Variants in RPS6KC1 observed in about 807,000 individuals in gnomAD.
The protein encoded by RPS6KC1 is inactive ribosomal protein S6 kinase delta-1.
Under a neutral mutation model 103.8 loss-of-function variants are expected in RPS6KC1, and 54 were observed. The observed-to-expected ratio is 0.52, with a 90% CI of 0.42 to 0.65. The LOEUF (loss-of-function observed/expected upper bound fraction) is 0.65, where lower values mean the gene tolerates loss of function less well. Ranked by LOEUF, RPS6KC1 falls within the 30% of genes least tolerant of loss-of-function variation. The pLI is 0.00. For missense variants in RPS6KC1, 1,151 were observed against 1,253.8 expected (o/e 0.92, Z 1.24); for synonymous variants, 439 against 438.7 (o/e 1.00, Z -0.01).
the RPS6KC1 span, among the ~76,000 whole-genome samples, chr1:213,792,739 T>A: frequency 1.3e-5 from 2 of 152,144 alleles, no homozygotes; most frequent in Non-Finnish European, 2.9e-5. Context: ...CTGTAAAGCA[T>A]TACTTTCAAC....
At chr1:213,832,094 A>C in the RPS6KC1 span, among the ~76,000 whole-genome samples, 2 of 152,220 alleles carry the variant, frequency 1.3e-5, no homozygotes, top group African/African-American at 4.8e-5. Flanking sequence ...GGTCTTCTTC[A>C]TAGTCAAAAA....
the RPS6KC1 span, among the ~76,000 whole-genome samples, chr1:213,521,927 T>C: frequency 1.1e-3 from 167 of 152,334 alleles, no homozygotes; most frequent in African/African-American, 3.9e-3. Context: ...ATCGACTTCT[T>C]CCAAACACTT....
At chr1:213,563,446 T>A in the RPS6KC1 span, among the ~76,000 whole-genome samples, 1 of 152,308 alleles carries the variant, frequency 6.6e-6, no homozygotes, top group Non-Finnish European at 1.5e-5. Context: ...TTTATATTTG[T>A]TACAATTACT....
the RPS6KC1 span, among the ~76,000 whole-genome samples, chr1:213,761,962 G>A: frequency 2.0e-5 from 3 of 152,052 alleles, no homozygotes; most frequent in East Asian, 3.9e-4. Flanking sequence ...AAAGTGAGAC[G>A]AAAATGATTG....
rs540371029 is a variant in RPS6KC1 at position 213,251,480 on chromosome 1, C to G, written c.2911+8822C>G. On this transcript the variant is annotated intron_variant, in intron 12 of 14. Transcript: ENST00000366960. ...GTACCTTCCAGAGGCAGTCATTGTG[C>G]TTTGCATGGGGAGCACTGGAAGGTG... 2.0e-5 allele frequency among the ~76,000 whole-genome samples: 3 copies of G among 152,290 alleles called. No homozygotes were observed. In the South Asian group the frequency reaches 6.2e-4, roughly 32 times the overall value.
At chr1:213,067,146 T>C (rs2078405106) in intron 1 of RPS6KC1, among the ~76,000 whole-genome samples, 1 of 152,358 alleles carries the variant, frequency 6.6e-6, no homozygotes, top group African/African-American at 2.4e-5. Flanking sequence ...TCATGTCTTA[T>C]GTCTCCCTAA....
the RPS6KC1 span, among the ~76,000 whole-genome samples, chr1:213,668,078 G>A: frequency 2.0e-5 from 3 of 152,176 alleles, no homozygotes; most frequent in Non-Finnish European, 4.4e-5. Flanking sequence ...CCAAACTCCT[G>A]TTGATATGGA....
the RPS6KC1 span, among the ~76,000 whole-genome samples, chr1:213,790,413 T>C: frequency 6.6e-6 from 1 of 152,096 alleles, no homozygotes; most frequent in African/African-American, 2.4e-5. Flanking sequence ...AGAGGCACAA[T>C]GGAGTACACA....
At chr1:213,754,750 T>C in the RPS6KC1 span, among the ~76,000 whole-genome samples, 1 of 152,296 alleles carries the variant, frequency 6.6e-6, no homozygotes, top group South Asian at 2.1e-4. Flanking sequence ...AGGTATTTCT[T>C]TACAGCAGTG....
chr1:213,565,996 G>T, the RPS6KC1 span, among the ~76,000 whole-genome samples: 1 of 150,740 alleles, frequency 6.6e-6, no homozygotes, highest in Non-Finnish European at 1.5e-5. Flanking sequence ...GTGTAGAAAT[G>T]TCTGTAATTT....
rs17020145 is a variant in RPS6KC1, at chr1:213,086,427, C to T, written c.262+8611C>T. On this transcript the variant is annotated intron_variant, in intron 3 of 14. Coordinates refer to ENST00000366960, the MANE Select transcript of RPS6KC1 (RefSeq NM_012424.6). Reference sequence around the variant, plus strand: ...TACTATCATATTAGAACAGCTATGTCAGGGACAACCAGTGGGTTACAGCCA... The same window carrying T: ...TACTATCATATTAGAACAGCTATGTTAGGGACAACCAGTGGGTTACAGCCA... Among the ~76,000 whole-genome samples, 481 of 152,334 alleles carry T rather than the reference C, an allele frequency of 3.2e-3. 4 individuals are homozygous for T. The highest frequency in any genetic ancestry group is 0.011 in the African/African-American group (458 of 41,590).
chr1:213,562,080 C>T, the RPS6KC1 span, among the ~76,000 whole-genome samples: 8 of 152,046 alleles, frequency 5.3e-5, no homozygotes, highest in Non-Finnish European at 1.0e-4. Context: ...CTGGGCTTGG[C>T]GATGTCAATT....
the RPS6KC1 span, among the ~76,000 whole-genome samples, chr1:213,739,261 TG>T: frequency 6.6e-5 from 10 of 152,342 alleles, no homozygotes; most frequent in African/African-American, 1.9e-4. Context: ...AATAACATTT[TG>T]TTTTCTCTAG....
At chr1:213,364,025 G>A in the RPS6KC1 span, among the ~76,000 whole-genome samples, 4 of 152,082 alleles carry the variant, frequency 2.6e-5, no homozygotes, top group East Asian at 7.7e-4. Context: ...ATTTAGTGCA[G>A]GGATTGGCAA....
At chr1:213,172,695 CTG>C (rs145062643) in intron 7 of RPS6KC1, among the ~76,000 whole-genome samples, 1,588 of 152,274 alleles carry the variant, frequency 0.01, 31 homozygotes, top group African/African-American at 0.036. Context: ...AGTTGTGAGA[CTG>C]TGGGATTAAC....
chr1:213,373,953 C>T, the RPS6KC1 span, among the ~76,000 whole-genome samples: 5 of 152,142 alleles, frequency 3.3e-5, no homozygotes, highest in South Asian at 6.2e-4. Flanking sequence ...TTTGAAGGCT[C>T]CTGCTTTTCT....
the RPS6KC1 span, among the ~76,000 whole-genome samples, chr1:213,469,603 C>T: frequency 2.0e-5 from 3 of 152,180 alleles, no homozygotes; most frequent in Non-Finnish European, 4.4e-5. Flanking sequence ...TGTCACACCC[C>T]AGGCTCCTCG....
intron 3 of RPS6KC1, among the ~76,000 whole-genome samples, chr1:213,082,843 T>TGAAG (rs1439466835): frequency 2.0e-5 from 3 of 152,168 alleles, no homozygotes; most frequent in African/African-American, 7.2e-5. Flanking sequence ...GGCCTAAAGA[T>TGAAG]GAAGCCCAGT....
the RPS6KC1 span, among the ~76,000 whole-genome samples, chr1:213,861,884 C>T: frequency 6.6e-6 from 1 of 152,180 alleles, no homozygotes; most frequent in Non-Finnish European, 1.5e-5. Context: ...CATCCATTCC[C>T]TAGTCCTGCC....
Sources: gnomAD v4.1 joint callset for allele counts (sites outside exome capture counted in the v4.1 genomes callset) on GRCh38, gnomAD v4.1.1 for gene constraint, MANE v1.5 for transcripts, NCBI Gene and HGNC (gene_info 2026-07-23, HGNC 2026-07-21) for gene names.